Variants in BIRC6 observed in about 807,000 individuals in gnomAD.
BIRC6 encodes baculoviral IAP repeat containing 6.
A neutral mutation model predicts 503.3 loss-of-function variants in BIRC6; 98 were observed. The observed-to-expected ratio is 0.19, with a 90% confidence interval of 0.17 to 0.23. The LOEUF is 0.23. Among genes scored for constraint, BIRC6 ranks in the 10% least tolerant of loss-of-function variants. The pLI is 1.00. For missense variants in BIRC6, 5,360 were observed against 5,806.0 expected (o/e 0.92, Z 2.50); for synonymous variants, 2,240 against 2,078.7 (o/e 1.08, Z -2.11).
In BIRC6 at chr2:32,456,678, T is replaced by C. The variant is rs28594218; in HGVS notation, c.4753+2736T>C. 5.5e-3 allele frequency among the ~76,000 whole-genome samples: 836 copies of C among 152,364 alleles called. 4 individuals are homozygous for C. The highest frequency in any genetic ancestry group is 0.019 in the African/African-American group (794 of 41,584). ...CTATAAATATTCCATCCATACTTAA[T>C]AATGTTAACTCTGCACTTGTTGGTG... is the stretch of plus-strand genomic sequence containing the variant. On this transcript the variant is annotated intron_variant, in intron 23 of 73. Coordinates refer to ENST00000421745, the MANE Select transcript of BIRC6 (RefSeq NM_016252.4).
chr2:32,560,637 G>A (rs2059104661), intron 65 of BIRC6, among the ~76,000 whole-genome samples: 1 of 152,176 alleles, frequency 6.6e-6, no homozygotes, highest in Non-Finnish European at 1.5e-5. Context: ...CTGGAGTGCA[G>A]TGGTGTGCTC....
intron 65 of BIRC6, among the ~76,000 whole-genome samples, chr2:32,550,279 T>C (rs2150400311): frequency 6.6e-6 from 1 of 152,296 alleles, no homozygotes; most frequent in South Asian, 2.1e-4. Flanking sequence ...TGGTAGTCTA[T>C]TTTGTGGTTG....
intron 65 of BIRC6, among the ~76,000 whole-genome samples, chr2:32,551,583 T>G (rs2150423272): frequency 6.6e-6 from 1 of 152,300 alleles, no homozygotes; most frequent in South Asian, 2.1e-4. Context: ...CACCCTGCCT[T>G]AAGTGGCATT....
At chr2:32,475,382 G>C (rs1196301660) in intron 33 of BIRC6, among the ~76,000 whole-genome samples, 2 of 151,936 alleles carry the variant, frequency 1.3e-5, no homozygotes, top group Non-Finnish European at 2.9e-5. Context: ...TCTCTTCTTT[G>C]GTCTGTTTGT....
chr2:32,454,194 C>T (rs1416614437), intron 23 of BIRC6, among the ~76,000 whole-genome samples: 3 of 151,938 alleles, frequency 2.0e-5, no homozygotes, highest in Non-Finnish European at 4.4e-5. Flanking sequence ...TGTGTATGCA[C>T]TTTCAGAAAT....
At chr2:32,432,253 TA>T (rs1449835434) in intron 12 of BIRC6, among the ~76,000 whole-genome samples, 20 of 152,210 alleles carry the variant, frequency 1.3e-4, no homozygotes, top group African/African-American at 4.8e-4. Context: ...CTGTCTCTAC[TA>T]AAAATACAAA....
intron 65 of BIRC6, among the ~76,000 whole-genome samples, chr2:32,570,948 C>T (rs987653020): frequency 6.6e-6 from 1 of 152,084 alleles, no homozygotes; most frequent in Non-Finnish European, 1.5e-5. Flanking sequence ...CAGGTTTTTG[C>T]CATCACATCT....
At chr2:32,555,864 C>G (rs950676546) in intron 65 of BIRC6, among the ~76,000 whole-genome samples, 1 of 142,552 alleles carries the variant, frequency 7.0e-6, no homozygotes, top group African/African-American at 2.6e-5. Context: ...TGCAGTGAGC[C>G]GTGATCATAC....
At chr2:32,578,151 C>T (rs2060390085) in intron 66 of BIRC6, among the ~76,000 whole-genome samples, 1 of 152,188 alleles carries the variant, frequency 6.6e-6, no homozygotes, top group Non-Finnish European at 1.5e-5. Context: ...TACTACATCT[C>T]TACTTTCAAG....
intron 23 of BIRC6, among the ~76,000 whole-genome samples, chr2:32,460,469 G>T (rs559595043): frequency 6.6e-6 from 1 of 150,510 alleles, no homozygotes; most frequent in Non-Finnish European, 1.5e-5. Flanking sequence ...TAGAGACGGG[G>T]TTTTGCCATG....
chr2:32,381,224 A>G (rs2037594467), intron 3 of BIRC6, among the ~76,000 whole-genome samples: 1 of 152,002 alleles, frequency 6.6e-6, no homozygotes, highest in Admixed American at 6.6e-5. Context: ...GTGTTATGAT[A>G]TACCTTGCTT....
intron 71 of BIRC6, among the ~76,000 whole-genome samples, chr2:32,604,577 G>C (rs774589966): frequency 7.9e-5 from 12 of 152,278 alleles, no homozygotes; most frequent in Non-Finnish European, 1.8e-4. Flanking sequence ...TTTAATTGCA[G>C]GAAGTATTGA....
At chr2:32,466,719 G>A (rs1379631899) in intron 26 of BIRC6, among the ~76,000 whole-genome samples, 4 of 152,140 alleles carry the variant, frequency 2.6e-5, no homozygotes, top group Admixed American at 6.5e-5. Context: ...TTAAAACTCT[G>A]ATGTTTTAAA....
intron 9 of BIRC6, among the ~76,000 whole-genome samples, chr2:32,414,402 C>T (rs1392167807): frequency 1.3e-5 from 2 of 152,094 alleles, no homozygotes; most frequent in Non-Finnish European, 2.9e-5. Context: ...CGTGGTGGCT[C>T]ACGCCTGTAA....
At chr2:32,420,812 C>G (rs1439528688) in intron 10 of BIRC6, among the ~76,000 whole-genome samples, 1 of 151,782 alleles carries the variant, frequency 6.6e-6, no homozygotes, top group East Asian at 1.9e-4. Flanking sequence ...ATGCCTGGCT[C>G]CTTACATTCC....
At chr2:32,504,771 G>T (rs1404580358) in intron 49 of BIRC6, among the ~76,000 whole-genome samples, 2 of 152,108 alleles carry the variant, frequency 1.3e-5, no homozygotes. Context: ...TGTATCATAT[G>T]AGTACAAAGT....
intron 10 of BIRC6, among the ~76,000 whole-genome samples, chr2:32,423,510 C>G (rs530174360): frequency 6.6e-6 from 1 of 152,278 alleles, no homozygotes; most frequent in South Asian, 2.1e-4. Context: ...TTCTGTATGA[C>G]TTTGCTTATT....
At chr2:32,382,395 A>T (rs1195919434) in intron 3 of BIRC6, among the ~76,000 whole-genome samples, 1 of 152,256 alleles carries the variant, frequency 6.6e-6, no homozygotes, top group African/African-American at 2.4e-5. Context: ...GGAAGAATCA[A>T]CTACTGCATC....
intron 23 of BIRC6, among the ~76,000 whole-genome samples, chr2:32,460,224 CAT>C (rs752744755): frequency 7.0e-5 from 7 of 100,696 alleles, no homozygotes; most frequent in Admixed American, 4.2e-4. Context: ...ATATATATCT[CAT>C]ATGATATATC....
Sources: allele counts gnomAD v4.1 joint callset (sites outside exome capture counted in the v4.1 genomes callset), GRCh38; gene constraint gnomAD v4.1.1; transcripts MANE v1.5; gene names NCBI Gene and HGNC (gene_info 2026-07-23, HGNC 2026-07-21).